ZBTB40: variants seen among roughly 807,000 people sequenced by gnomAD.
ZBTB40 encodes zinc finger and BTB domain containing 40.
ZBTB40 carries 60 observed loss-of-function variants against 117.5 expected under a neutral mutation model. That is an observed-to-expected ratio of 0.51 (90% confidence interval 0.41 to 0.63). The LOEUF (loss-of-function observed/expected upper bound fraction) is 0.63, where lower values mean the gene tolerates loss of function less well. Among genes scored for constraint, ZBTB40 ranks in the 30% least tolerant of loss-of-function variants. The pLI is 0.00. For missense variants in ZBTB40, 1,287 were observed against 1,498.5 expected (o/e 0.86, Z 2.33); for synonymous variants, 525 against 577.1 (o/e 0.91, Z 1.29).
intron 1 of ZBTB40, among the ~76,000 whole-genome samples, chr1:22,474,597 A>ATG (rs1433544674): frequency 1.3e-5 from 2 of 152,104 alleles, no homozygotes; most frequent in Non-Finnish European, 2.9e-5. Context: ...TTGTTTCTGA[A>ATG]TGTGTGATCT....
At position 22,526,241 on chromosome 1, in the gene ZBTB40, G is replaced by C. The variant is rs773206701; in HGVS notation, c.3565G>C (p.Val1189Leu). 6.2e-7 allele frequency: 1 copy of C among 1,614,182 alleles called. No individual in the cohort carries two copies. The highest frequency in any genetic ancestry group is 1.3e-5 in the African/African-American group (1 of 75,032). ...TPEPVAPTEQ[V>L]ITLEETQLAG... ...AGAGCCGGTGGCCCCGACAGAGCAGGTGATCACTTTGGAGGAGACCCAGCT... is the reference window on the plus strand; with the variant it reads ...AGAGCCGGTGGCCCCGACAGAGCAGCTGATCACTTTGGAGGAGACCCAGCT... The change falls in exon 18 of 18, where the codon GTG (valine) becomes CTG (leucine). Residue 1189 changes from valine (V) to leucine (L), a missense_variant. Transcript: ENST00000375647.
At chr1:22,463,789 A>C (rs1176868286) in intron 1 of ZBTB40, among the ~76,000 whole-genome samples, 1 of 152,252 alleles carries the variant, frequency 6.6e-6, no homozygotes, top group East Asian at 1.9e-4. Flanking sequence ...AGAGGACATA[A>C]GCAGTTTGTT....
At chr1:22,525,752 C>A (rs1639658903) in intron 17 of ZBTB40, among the ~76,000 whole-genome samples, 1 of 152,240 alleles carries the variant, frequency 6.6e-6, no homozygotes, top group African/African-American at 2.4e-5. Context: ...AGGCTGTGAG[C>A]CTGCGAGAGG....
At chr1:22,515,070 A>G (rs1305426434) in intron 12 of ZBTB40, among the ~76,000 whole-genome samples, 1 of 152,220 alleles carries the variant, frequency 6.6e-6, no homozygotes, top group South Asian at 2.1e-4. Context: ...GGGGGACACT[A>G]TTTGTATCAT....
chr1:22,509,628 C>G (rs1166786329), intron 9 of ZBTB40, among the ~76,000 whole-genome samples: 2 of 152,236 alleles, frequency 1.3e-5, no homozygotes, highest in Non-Finnish European at 2.9e-5. Flanking sequence ...GGATTACAGG[C>G]GTGAGCCACT....
intron 5 of ZBTB40, among the ~76,000 whole-genome samples, chr1:22,503,438 G>A (rs1040529430): frequency 1.3e-5 from 2 of 151,906 alleles, no homozygotes; most frequent in African/African-American, 4.8e-5. Context: ...GGAAGGAATA[G>A]GGATAGAGTA....
intron 1 of ZBTB40, among the ~76,000 whole-genome samples, chr1:22,479,492 T>A (rs1267404678): frequency 6.6e-6 from 1 of 152,160 alleles, no homozygotes; most frequent in Non-Finnish European, 1.5e-5. Flanking sequence ...GTTGCTCCAT[T>A]TTCTTTTTAC....
chr1:22,521,916 G>A (rs1014861861), intron 15 of ZBTB40, among the ~76,000 whole-genome samples: 2 of 152,226 alleles, frequency 1.3e-5, no homozygotes, highest in African/African-American at 4.8e-5. Flanking sequence ...CACCTGGGAA[G>A]GGTGTCAGCC....
chr1:22,481,023 T>A (rs780429728), intron 1 of ZBTB40, among the ~76,000 whole-genome samples: 7 of 152,180 alleles, frequency 4.6e-5, no homozygotes, highest in Non-Finnish European at 1.0e-4. Flanking sequence ...CCTCCCAGCT[T>A]AGGGCCTGTA....
intron 1 of ZBTB40, among the ~76,000 whole-genome samples, chr1:22,432,049 T>C (rs941499494): frequency 7.9e-5 from 12 of 152,176 alleles, no homozygotes; most frequent in African/African-American, 1.7e-4. Flanking sequence ...TTCACTCTTC[T>C]TTATGCTGCT....
At chr1:22,461,329 G>GTTT in intron 1 of ZBTB40, among the ~76,000 whole-genome samples, 1 of 140,574 alleles carries the variant, frequency 7.1e-6, no homozygotes, top group African/African-American at 2.7e-5. Flanking sequence ...GAGTTCCGTT[G>GTTT]TTTTTTTTTT....
upstream of ZBTB40, among the ~76,000 whole-genome samples, chr1:22,447,481 G>C (rs1011101778): frequency 2.6e-5 from 4 of 152,200 alleles, no homozygotes; most frequent in African/African-American, 9.7e-5. Context: ...TGGCAGGTGG[G>C]CTATCATCTT....
chr1:22,457,107 G>A (rs959231804), intron 1 of ZBTB40, among the ~76,000 whole-genome samples: 1 of 142,018 alleles, frequency 7.0e-6, no homozygotes, highest in African/African-American at 2.6e-5. Context: ...CTGCATTCCA[G>A]TTGAGACCCT....
intron 1 of ZBTB40, among the ~76,000 whole-genome samples, chr1:22,460,723 T>C (rs935323929): frequency 6.6e-5 from 10 of 152,204 alleles, no homozygotes; most frequent in African/African-American, 2.4e-4. Context: ...CCCAACTCTT[T>C]ATAGCTCCTT....
intron 3 of ZBTB40, 32 bp from the exon 4 acceptor site, chr1:22,501,460 A>T: frequency 1.2e-6 from 2 of 1,612,954 alleles, no homozygotes; most frequent in South Asian, 2.2e-5. Context: ...GTGGTTCGCT[A>T]ATCTATCTTT....
At chr1:22,521,392 C>A in intron 14 of ZBTB40, 104 bp from the exon 15 acceptor site, 1 of 1,439,804 alleles carries the variant, frequency 6.9e-7, no homozygotes, top group Non-Finnish European at 9.7e-7. Flanking sequence ...ATACTAGAAA[C>A]GTCAGCTTAT....
Position 22,526,575 on chromosome 1 carries a change from A to G in ZBTB40, c.*179A>G. 1 of 772,618 alleles carries G rather than the reference A, an allele frequency of 1.3e-6. No homozygotes were observed. The highest frequency in any genetic ancestry group is 2.1e-6 in the Non-Finnish European group (1 of 470,876). The allele number at this position is 772,618 out of a possible 1,614,324, so 47.9% of individuals were successfully genotyped here. A position where few individuals can be genotyped will look rare whatever the true frequency, so the allele number is the denominator to read the frequency against. On this transcript the variant is annotated 3_prime_UTR_variant, in exon 18 of 18. Coordinates refer to ENST00000375647, the MANE Select transcript of ZBTB40 (RefSeq NM_014870.4). Reference sequence around the variant, plus strand: ...TCGTTGTTCTCATAGAACCAACAGCATCTGAGCCCTCAACACCAACAGCAC... The same window carrying G: ...TCGTTGTTCTCATAGAACCAACAGCGTCTGAGCCCTCAACACCAACAGCAC...
intron 3 of ZBTB40, among the ~76,000 whole-genome samples, chr1:22,493,012 T>C (rs1232637307): frequency 6.6e-6 from 1 of 152,226 alleles, no homozygotes; most frequent in Non-Finnish European, 1.5e-5. Flanking sequence ...TCAGCAATAC[T>C]CAAGTTATTA....
intron 1 of ZBTB40, among the ~76,000 whole-genome samples, chr1:22,431,714 C>A (rs1374100233): frequency 2.0e-5 from 3 of 148,356 alleles, no homozygotes; most frequent in African/African-American, 7.4e-5. Flanking sequence ...CCAGCCTGGG[C>A]GACAAGAGTG....
Sources: gnomAD v4.1 joint callset for allele counts (sites outside exome capture counted in the v4.1 genomes callset) on GRCh38, gnomAD v4.1.1 for gene constraint, MANE v1.5 for transcripts, NCBI Gene and HGNC (gene_info 2026-07-23, HGNC 2026-07-21) for gene names.